MUC17: variants seen among roughly 807,000 people sequenced by gnomAD.
The protein encoded by MUC17 is mucin-17.
Under a neutral mutation model 170.3 loss-of-function variants are expected in MUC17, and 190 were observed. The observed-to-expected ratio is 1.12, with a 90% CI of 0.99 to 1.26. The LOEUF is 1.26. Ranked by LOEUF, MUC17 falls within the 50% of genes most tolerant of loss-of-function variation. MUC17 has a pLI of 0.00. For missense variants in MUC17, 6,415 were observed against 5,530.0 expected (o/e 1.16, Z -5.08); for synonymous variants, 2,325 against 2,002.5 (o/e 1.16, Z -4.30).
intron 1 of MUC17, among the ~76,000 whole-genome samples, chr7:101,030,612 A>C (rs10225024): frequency 0.15 from 23,564 of 152,144 alleles, 2,110 homozygotes; most frequent in South Asian, 0.28. Flanking sequence ...TCTGTCACCC[A>C]GGCTAGAGTG....
rs531581107 is a variant in MUC17 at position 101,039,462 on chromosome 7, G to C, written c.8046G>C (p.Met2682Ile). The C allele has an allele frequency of 6.2e-7, 1 of 1,611,382 alleles. No homozygotes were observed. The highest frequency in any genetic ancestry group is 1.3e-5 in the African/African-American group (1 of 74,786). Residue 2682 changes from methionine (M) to isoleucine (I), a missense_variant, in exon 3 of 13, where the codon ATG becomes ATC. Coordinates refer to ENST00000306151, the MANE Select transcript of MUC17 (RefSeq NM_001040105.2). ...SSPTTAEGSSMPTSTPGERST... is the reference protein window; with the variant it reads ...SSPTTAEGSSIPTSTPGERST... ...CTACAACTGCTGAAGGTAGCAGCAT[G>C]CCAACCTCAACTCCTGGTGAAAGAA...
rs773676604 is a variant in MUC17, at chr7:101,039,475, C to T, written c.8059C>T (p.Pro2687Ser). 5.6e-6 allele frequency: 9 copies of T among 1,611,122 alleles called. No individual in the cohort carries two copies. The African/African-American group carries it at 6.7e-5, about 12-fold the overall frequency. Residue 2687 changes from proline to serine, a missense_variant, in exon 3 of 13, where the codon CCT (proline) becomes TCT (serine). Transcript: ENST00000306151. ...AGGTAGCAGCATGCCAACCTCAACT[C>T]CTGGTGAAAGAAGCACTCCATTAAC... ...AEGSSMPTST[P>S]GERSTPLTNI...
In MUC17 at chr7:101,033,681, C is replaced by A; in HGVS notation, c.2265C>A (p.Ser755Arg). 1 of 1,613,570 alleles carries A rather than the reference C, an allele frequency of 6.2e-7. No individual in the cohort carries two copies. ...CTCCATTAACAAGTATGCCTGTCAG[C>A]AAAACGCTGTTGACCAGTTCTGAGG... ...GSTPLTSMPV[S>R]KTLLTSSEAS... Residue 755 changes from serine (S) to arginine (R), a missense_variant, in exon 3 of 13, where the codon AGC becomes AGA. Ser to Arg is a moderately radical substitution (Grantham distance 110). Coordinates refer to ENST00000306151, the MANE Select transcript of MUC17 (RefSeq NM_001040105.2).
chr7:101,052,736 G>A (rs895205933), intron 9 of MUC17, among the ~76,000 whole-genome samples: 2 of 152,142 alleles, frequency 1.3e-5, no homozygotes, highest in African/African-American at 4.8e-5. Context: ...TGGGCCAACC[G>A]TCCTAGGTCC....
chr7:101,048,069 CTATTA>C lies in MUC17; in HGVS notation c.12491_12495del (p.Tyr4164TrpfsTer5). 6.2e-7 allele frequency: 1 copy of C among 1,605,284 alleles called. No homozygotes were observed. Among genetic ancestry groups the C allele is most frequent in the Non-Finnish European group, 8.5e-7 (1 of 1,176,326 alleles). On this transcript the variant is annotated frameshift_variant, in exon 4 of 13. Transcript: ENST00000306151. LOFTEE classifies it high-confidence loss of function. ...GGCTCAAGTGCCAGTGTCCCAACCT[CTATTA>C]TGGGGAGTTGTGTGAGGAGGTGGTC...
Position 101,051,835 on chromosome 7 carries a change from G to A in MUC17, c.12976G>A (p.Asp4326Asn), listed in dbSNP as rs758934845. 2 of 1,614,014 alleles carry A rather than the reference G, an allele frequency of 1.2e-6. No individual in the cohort carries two copies. Among genetic ancestry groups the A allele is most frequent in the Admixed American group, 3.3e-5 (2 of 59,994 alleles). ...CCGGAAGATGGCCAAGGAATATGGAGACTACTTCGTAGTGGAGTACCGGGA... is the reference window on the plus strand; with the variant it reads ...CCGGAAGATGGCCAAGGAATATGGAAACTACTTCGTAGTGGAGTACCGGGA... Reference protein sequence around the residue: ...DCRKMAKEYGDYFVVEYRDQK... With the variant: ...DCRKMAKEYGNYFVVEYRDQK... The change falls in exon 9 of 13, where the codon GAC becomes AAC. Residue 4326 changes from aspartate to asparagine, a missense_variant. Coordinates refer to ENST00000306151, the MANE Select transcript of MUC17 (RefSeq NM_001040105.2).
In MUC17 at chr7:101,034,105, A is replaced by G. The variant is rs112568908; in HGVS notation, c.2689A>G (p.Thr897Ala). 3 of 1,585,000 alleles carry G rather than the reference A, an allele frequency of 1.9e-6. No individual in the cohort carries two copies. The highest frequency in any genetic ancestry group is 1.7e-6 in the Non-Finnish European group (2 of 1,164,906). The change falls in exon 3 of 13, where the codon ACC (threonine) becomes GCC (alanine). Residue 897 changes from threonine (T) to alanine (A), a missense_variant. Transcript: ENST00000306151. ...TCCTGTTGACACCAGCACACCTGTG[A>G]CCAATTCTACTGAAGCCCGTTCGTC... ...TTPVDTSTPV[T>A]NSTEARSSPT...
At chr7:101,045,618 C>G (rs1165011340) in intron 3 of MUC17, among the ~76,000 whole-genome samples, 2 of 152,174 alleles carry the variant, frequency 1.3e-5, no homozygotes, top group Non-Finnish European at 2.9e-5. Flanking sequence ...TTCTTGAACT[C>G]CTGTCCTCAG....
In MUC17 at chr7:101,052,078, G is replaced by A. The variant is rs116241405; in HGVS notation, c.13103+116G>A. On this transcript the variant is annotated intron_variant, in intron 9 of 12. Coordinates refer to ENST00000306151, the MANE Select transcript of MUC17 (RefSeq NM_001040105.2). ...CAAGGTCATGGGACTAGGTCCCAGC[G>A]TCTCCTGAATGTGTCCAGCTGCAGA... The A allele has an allele frequency of 1.2e-3, 1,481 of 1,237,072 alleles. 12 individuals are homozygous for A. The African/African-American group carries it at 0.018, about 15-fold the overall frequency. 76.6% of individuals were successfully genotyped at this position (1,237,072 alleles called of 1,614,324 possible). A position where few individuals can be genotyped will look rare whatever the true frequency, so the allele number is the denominator to read the frequency against.
At position 101,034,121 on chromosome 7, in the gene MUC17, C is replaced by G; in HGVS notation, c.2705C>G (p.Ala902Gly). Residue 902 changes from alanine (A) to glycine (G), a missense_variant, in exon 3 of 13, where the codon GCC becomes GGC. By Grantham distance (60) the Ala-to-Gly change is moderately conservative. Coordinates refer to ENST00000306151, the MANE Select transcript of MUC17 (RefSeq NM_001040105.2). Reference protein sequence around the residue: ...TSTPVTNSTEARSSPTTSEGT... With the variant: ...TSTPVTNSTEGRSSPTTSEGT... ...ACACCTGTGACCAATTCTACTGAAG[C>G]CCGTTCGTCTCCTACAACTTCTGAA... 6.3e-7 allele frequency: 1 copy of G among 1,584,510 alleles called. No individual in the cohort carries two copies. Among genetic ancestry groups the G allele is most frequent in the East Asian group, 2.4e-5 (1 of 41,944 alleles).
Position 101,039,493 on chromosome 7 carries a change from C to A in MUC17, c.8077C>A (p.Pro2693Thr). The A allele has an allele frequency of 6.2e-7, 1 of 1,609,672 alleles. No individual in the cohort carries two copies. The highest frequency in any genetic ancestry group is 8.5e-7 in the Non-Finnish European group (1 of 1,178,424). ...PTSTPGERST[P>T]LTNILVSTTL... The stretch of plus-strand genomic sequence containing the variant: ...CTCAACTCCTGGTGAAAGAAGCACT[C>A]CATTAACAAATATACTTGTCAGCAC... Residue 2693 changes from proline to threonine, a missense_variant, in exon 3 of 13, where the codon CCA (proline) becomes ACA (threonine). Coordinates refer to ENST00000306151, the MANE Select transcript of MUC17 (RefSeq NM_001040105.2).
At chr7:101,057,182 G>A (rs1024087170) in intron 12 of MUC17, among the ~76,000 whole-genome samples, 1 of 152,048 alleles carries the variant, frequency 6.6e-6, no homozygotes, top group African/African-American at 2.4e-5. Context: ...ATAACATCAG[G>A]TTTTCCCCTC....
intron 2 of MUC17, 67 bp downstream of exon 2, chr7:101,031,288 C>T: frequency 6.5e-7 from 1 of 1,541,840 alleles, no homozygotes. Context: ...AGAGCGACCC[C>T]TGCCAGGCTG....
chr7:101,055,598 T>C (rs1795031540), intron 11 of MUC17, among the ~76,000 whole-genome samples: 1 of 152,176 alleles, frequency 6.6e-6, no homozygotes, highest in Non-Finnish European at 1.5e-5. Flanking sequence ...TTAAAACGCC[T>C]CTCTTAGTAA....
intron 10 of MUC17, 40 bp from the exon 11 acceptor site, chr7:101,053,299 C>G: frequency 6.2e-7 from 1 of 1,601,348 alleles, no homozygotes; most frequent in Non-Finnish European, 8.6e-7. Flanking sequence ...ATTCCTGTTC[C>G]CCAATCCTAA....
chr7:101,047,918 T>G, intron 3 of MUC17, 66 bp from the exon 4 acceptor site: 1 of 1,510,784 alleles, frequency 6.6e-7, no homozygotes, highest in Non-Finnish European at 8.9e-7. Flanking sequence ...AGTAGATCCC[T>G]GCTCCTTCCA....
At chr7:101,052,087 A>C in intron 9 of MUC17, 125 bp downstream of exon 9, 1 of 1,141,620 alleles carries the variant, frequency 8.8e-7, no homozygotes, top group South Asian at 1.5e-5. Context: ...CGTCTCCTGA[A>C]TGTGTCCAGC....
chr7:101,053,242 G>A (rs925863469), intron 10 of MUC17, 95 bp downstream of exon 10: 9 of 1,575,496 alleles, frequency 5.7e-6, no homozygotes, highest in African/African-American at 1.3e-5. Flanking sequence ...GTCTAGGTGG[G>A]CAGCGGGGGC....
rs755223781 is a variant in MUC17 at position 101,035,284 on chromosome 7, G to A, written c.3868G>A (p.Val1290Met). The A allele has an allele frequency of 9.3e-6, 15 of 1,609,578 alleles. No homozygotes were observed. Among genetic ancestry groups the A allele is most frequent in the Non-Finnish European group, 1.3e-5 (15 of 1,177,106 alleles). ...AAGTATACCTGTCAGCACCACGCTG[G>A]TGACCAGTCCTGAGGCTAGCACCCT... ...LTSIPVSTTL[V>M]TSPEASTLLT... Residue 1290 changes from valine (V) to methionine (M), a missense_variant, in exon 3 of 13, where the codon GTG (valine) becomes ATG (methionine). Physicochemically the swap from Val to Met is conservative, Grantham distance 21. Transcript: ENST00000306151.
Sources: gnomAD v4.1 joint callset for allele counts (sites outside exome capture counted in the v4.1 genomes callset) on GRCh38, gnomAD v4.1.1 for gene constraint, MANE v1.5 for transcripts, NCBI Gene and HGNC (gene_info 2026-07-23, HGNC 2026-07-21) for gene names.